DNAH5: variants seen among roughly 807,000 people sequenced by gnomAD.
The protein encoded by DNAH5 is dynein axonemal heavy chain 5.
DNAH5 carries 372 observed loss-of-function variants against 518.2 expected under a neutral mutation model. The observed-to-expected ratio is 0.72, with a 90% CI of 0.66 to 0.78. The LOEUF is 0.78. Among genes scored for constraint, DNAH5 ranks in the 30% least tolerant of loss-of-function variants. The pLI, the probability that DNAH5 is intolerant of heterozygous loss-of-function variation, is 0.00. For missense variants in DNAH5, 5,523 were observed against 5,687.0 expected, an observed-to-expected ratio of 0.97 and a Z score of 0.93; for synonymous variants, 2,039 against 2,025.9, an observed-to-expected ratio of 1.01 and a Z score of -0.17.
chr5:13,794,798 T>C (rs951109258), intron 47 of DNAH5, among the ~76,000 whole-genome samples: 6 of 152,030 alleles, frequency 3.9e-5, no homozygotes, highest in Admixed American at 3.3e-4. Context: ...ACCCTGTCTC[T>C]ACTAAAAATA....
intron 44 of DNAH5, 33 bp downstream of exon 44, chr5:13,811,614 G>A (rs780676183): frequency 2.5e-6 from 4 of 1,602,626 alleles, no homozygotes; most frequent in Non-Finnish European, 2.6e-6. Context: ...AAGTTGATAA[G>A]AGAGAATTTC....
intron 1 of DNAH5, among the ~76,000 whole-genome samples, chr5:13,961,990 G>T (rs976909404): frequency 6.6e-6 from 1 of 152,088 alleles, no homozygotes; most frequent in Non-Finnish European, 1.5e-5. Flanking sequence ...TATACTTTTT[G>T]AGGTTTTCTT....
At chr5:13,893,807 G>C (rs1374606444) in intron 16 of DNAH5, among the ~76,000 whole-genome samples, 2 of 151,786 alleles carry the variant, frequency 1.3e-5, no homozygotes, top group Admixed American at 1.3e-4. Flanking sequence ...AGCCTTCTAG[G>C]GGCAAGACTC....
chr5:13,774,852 C>A (rs2126802776), intron 55 of DNAH5, among the ~76,000 whole-genome samples: 1 of 152,232 alleles, frequency 6.6e-6, no homozygotes, highest in Non-Finnish European at 1.5e-5. Flanking sequence ...ACAAAAAGAG[C>A]TTCATATGTA....
In DNAH5 at chr5:13,867,023, G is replaced by A. The variant is rs529336721; in HGVS notation, c.4054-741C>T. 1.7e-4 allele frequency among the ~76,000 whole-genome samples: 26 copies of A among 152,280 alleles called. 1 individual carries two copies. The highest frequency in any genetic ancestry group is 6.3e-4 in the African/African-American group (26 of 41,562). On this transcript the variant is annotated intron_variant, in intron 25 of 78. Transcript: ENST00000265104. ...GCACCAAGGACAGCGCCCGGCAATT[G>A]CTGAGCTCTGTGTTATTTGTGTAAC...
chr5:13,714,394 C>A lies in DNAH5; in HGVS notation c.13125+11G>T. ...CCCAGCTGACATTTTGTCAGGATTT[C>A]ATCAACTCACTTCAAAGGGGACATA... is the stretch of plus-strand genomic sequence containing the variant. On this transcript the variant is annotated intron_variant, in intron 75 of 78. Transcript: ENST00000265104. 1 of 1,613,806 alleles carries A rather than the reference C, an allele frequency of 6.2e-7. No individual in the cohort carries two copies. Among genetic ancestry groups the A allele is most frequent in the Non-Finnish European group, 8.5e-7 (1 of 1,179,730 alleles).
At chr5:14,011,017 C>A (rs991361600) in intron 1 of DNAH5, among the ~76,000 whole-genome samples, 5 of 151,834 alleles carry the variant, frequency 3.3e-5, no homozygotes, top group Non-Finnish European at 7.4e-5. Flanking sequence ...AAAAAAAGAG[C>A]CAGACTAATG....
Position 13,912,935 on chromosome 5 carries a change from T to C in DNAH5, c.1536+808A>G, listed in dbSNP as rs560422570. Among the ~76,000 whole-genome samples, 17 of 152,116 alleles carry C rather than the reference T, an allele frequency of 1.1e-4. No individual in the cohort carries two copies. In the South Asian group the frequency reaches 2.7e-3, roughly 24 times the overall value. ...AGTAAACTTAAAATGTTTCCTGCTA[T>C]ATAAAGGTATTTTCTTTATCTCTCC... On this transcript the variant is annotated intron_variant, in intron 11 of 78. Coordinates refer to ENST00000265104, the MANE Select transcript of DNAH5 (RefSeq NM_001369.3).
At chr5:13,754,978 C>A (rs886194366) in intron 61 of DNAH5, among the ~76,000 whole-genome samples, 4 of 151,760 alleles carry the variant, frequency 2.6e-5, no homozygotes, top group Non-Finnish European at 5.9e-5. Context: ...CCCATCTCTG[C>A]TAAAAATACA....
At chr5:13,848,902 G>A (rs1396802913) in intron 31 of DNAH5, among the ~76,000 whole-genome samples, 4 of 152,172 alleles carry the variant, frequency 2.6e-5, no homozygotes, top group Admixed American at 6.5e-5. Context: ...GACTGGTGCC[G>A]AGGTTTGGGG....
intron 1 of DNAH5, among the ~76,000 whole-genome samples, chr5:13,964,686 T>G (rs1006158207): frequency 6.6e-6 from 1 of 152,050 alleles, no homozygotes; most frequent in Non-Finnish European, 1.5e-5. Flanking sequence ...GGCCATAGGG[T>G]TGGAGATGAG....
rs1415837693 is a variant in DNAH5, at chr5:13,809,997, T to C, written c.7609+62A>G. 2.2e-5 allele frequency: 32 copies of C among 1,437,310 alleles called. No individual in the cohort carries two copies. In the East Asian group the frequency reaches 7.4e-4, roughly 33 times the overall value. 89.0% of individuals were successfully genotyped at this position (1,437,310 alleles called of 1,614,324 possible). On this transcript the variant is annotated intron_variant, in intron 45 of 78. Transcript: ENST00000265104. ...TTAGAAAAAATATATATGGTGTAAA[T>C]ATTGGCCATGTAGGAAAGAACGGCC... is the stretch of plus-strand genomic sequence containing the variant.
chr5:13,876,620 T>C, intron 22 of DNAH5, 64 bp downstream of exon 22: 1 of 1,588,480 alleles, frequency 6.3e-7, no homozygotes, highest in Non-Finnish European at 8.6e-7. Context: ...CTTTGTGATG[T>C]TCACTTTCAC....
Position 13,864,285 on chromosome 5 carries a change from G to A in DNAH5, c.4596+112C>T, listed in dbSNP as rs1030328504. On this transcript the variant is annotated intron_variant, in intron 28 of 78. Coordinates refer to ENST00000265104, the MANE Select transcript of DNAH5 (RefSeq NM_001369.3). ...AGGAACTAGTGGCTGAATGCCAGGAGAAGAGTTTCAATTGTCTGAGTGTAG... is the reference window on the plus strand; with the variant it reads ...AGGAACTAGTGGCTGAATGCCAGGAAAAGAGTTTCAATTGTCTGAGTGTAG... 24 of 1,433,178 alleles carry A rather than the reference G, an allele frequency of 1.7e-5. No homozygotes were observed. In the African/African-American group the frequency reaches 2.8e-4, roughly 17 times the overall value. 88.8% of individuals were successfully genotyped at this position (1,433,178 alleles called of 1,614,324 possible). A position where few individuals can be genotyped will look rare whatever the true frequency, so the allele number is the denominator to read the frequency against.
chr5:13,728,423 T>C lies in DNAH5; in HGVS notation c.11884-767A>G, dbSNP rs535597942. 2.0e-5 allele frequency among the ~76,000 whole-genome samples: 3 copies of C among 152,286 alleles called. No individual in the cohort carries two copies. In the South Asian group the frequency reaches 6.2e-4, roughly 32 times the overall value. ...TCAAAGGCAAATCATTCCAGGTTCA[T>C]ATTTAGAAAGTACCATGTAAGAATA... On this transcript the variant is annotated intron_variant, in intron 69 of 78. Transcript: ENST00000265104.
rs201631179 is a variant in DNAH5, at chr5:13,902,164, G to A, written c.1645-26C>T. ...CTAAAACAGAATAAAATCTGATGAT[G>A]AACAATAGAATTGGGAATTTACTGT... On this transcript the variant is annotated intron_variant, in intron 12 of 78. Coordinates refer to ENST00000265104, the MANE Select transcript of DNAH5 (RefSeq NM_001369.3). 1,989 of 1,513,890 alleles carry A rather than the reference G, an allele frequency of 1.3e-3. 4 individuals carry two copies. Among genetic ancestry groups the A allele is most frequent in the Non-Finnish European group, 1.7e-3 (1,823 of 1,093,956 alleles). 93.8% of individuals were successfully genotyped at this position (1,513,890 alleles called of 1,614,324 possible).
rs138958926 is a variant in DNAH5 at position 13,970,028 on chromosome 5, C to A, written c.13-38784G>T. Among the ~76,000 whole-genome samples, 204 of 152,108 alleles carry A rather than the reference C, an allele frequency of 1.3e-3. 4 individuals are homozygous for A. In the East Asian group the frequency reaches 0.029, roughly 21 times the overall value. On this transcript the variant is annotated intron_variant, in intron 1 of 78. Transcript: ENST00000681290. ...TGTGATATTTTCCTGTTGGACTAGT[C>A]CTTTTATCATTATATAATATCCCTC...
intron 61 of DNAH5, 149 bp from the exon 62 acceptor site, chr5:13,754,487 G>T: frequency 1.1e-6 from 1 of 902,346 alleles, no homozygotes; most frequent in Non-Finnish European, 1.8e-6. Flanking sequence ...CTATTTCCAT[G>T]TGTCTGTCAG....
intron 17 of DNAH5, among the ~76,000 whole-genome samples, chr5:13,890,607 T>C (rs1773091648): frequency 6.6e-6 from 1 of 152,166 alleles, no homozygotes. Flanking sequence ...CAAAAATGTT[T>C]AAAGAAGAAA....
Sources: allele counts gnomAD v4.1 joint callset (sites outside exome capture counted in the v4.1 genomes callset), GRCh38; gene constraint gnomAD v4.1.1; transcripts MANE v1.5; gene names NCBI Gene and HGNC (gene_info 2026-07-23, HGNC 2026-07-21).